SEMA6D: variants seen among roughly 807,000 people sequenced by gnomAD.
SEMA6D encodes the protein semaphorin-6D.
SEMA6D carries 35 observed loss-of-function variants against 106.6 expected under a neutral mutation model. That is an observed-to-expected ratio of 0.33 (90% CI 0.25 to 0.44). The LOEUF is 0.44. Among genes scored for constraint, SEMA6D ranks in the 20% least tolerant of loss-of-function variants. The probability of loss-of-function intolerance (pLI) is 1.00; values close to 1 mark genes in which losing one functional copy is unlikely to be tolerated. For synonymous variants in SEMA6D, 499 were observed against 487.7 expected (o/e 1.02, Z -0.31); for missense variants, 1,185 against 1,345.9 (o/e 0.88, Z 1.87).
At position 47,657,719 on chromosome 15, in the gene SEMA6D, C is replaced by CTTTTTT. The variant is rs71118191; in HGVS notation, c.-55+56858_-55+56863dup. Among the ~76,000 whole-genome samples the CTTTTTT allele has an allele frequency of 5.7e-3, 314 of 54,674 alleles. 104 individuals carry two copies. Among genetic ancestry groups the CTTTTTT allele is most frequent in the African/African-American group, 6.9e-3 (81 of 11,748 alleles). The allele number at this position is 54,674 out of a possible 152,430, so 35.9% of individuals were successfully genotyped here. A position where few individuals can be genotyped will look rare whatever the true frequency, so the allele number is the denominator to read the frequency against. On this transcript the variant is annotated intron_variant, in intron 4 of 19. Transcript: ENST00000558014. ...CATTTAGTGACAGAGGGCTTCATTT[C>CTTTTTT]TTTTTTTTTTTTTTTTTTTTTTTTT...
intron 4 of SEMA6D, among the ~76,000 whole-genome samples, chr15:47,706,642 C>T (rs1482116602): frequency 1.3e-5 from 2 of 152,128 alleles, no homozygotes; most frequent in Admixed American, 6.5e-5. Context: ...TGGAAATGTT[C>T]CATTAAATTT....
At chr15:47,766,287 G>T (rs528882) in intron 15 of SEMA6D, 105 bp downstream of exon 15, 485,854 of 887,720 alleles carry the variant, frequency 0.55, 114,229 homozygotes, top group African/African-American at 0.68. Context: ...CTTTTTTTTT[G>T]TTGTTATGGG....
chr15:47,196,226 T>C (rs2088119514), intron 1 of SEMA6D, among the ~76,000 whole-genome samples: 1 of 152,152 alleles, frequency 6.6e-6, no homozygotes, highest in South Asian at 2.1e-4. Flanking sequence ...ACATCCCTAA[T>C]GCTGCCAGAC....
intron 2 of SEMA6D, among the ~76,000 whole-genome samples, chr15:47,449,137 A>G (rs2042112656): frequency 6.6e-6 from 1 of 152,076 alleles, no homozygotes; most frequent in African/African-American, 2.4e-5. Flanking sequence ...GTGACTTCCC[A>G]AAACCCAGGA....
chr15:47,185,910 G>T (rs947033973), intron 1 of SEMA6D: 3 of 152,050 alleles, frequency 2.0e-5, no homozygotes, highest in African/African-American at 7.2e-5. Context: ...TCTGAGGTCC[G>T]TGGGTAGTAT....
intron 1 of SEMA6D, among the ~76,000 whole-genome samples, chr15:47,400,322 T>A (rs1003733960): frequency 6.6e-6 from 1 of 151,992 alleles, no homozygotes. Context: ...AACTCCCTTG[T>A]CTACTAAAAA....
At chr15:47,428,909 G>A (rs2041433173) in intron 2 of SEMA6D, among the ~76,000 whole-genome samples, 1 of 151,434 alleles carries the variant, frequency 6.6e-6, no homozygotes, top group Admixed American at 6.6e-5. Flanking sequence ...GAAAAGAAGT[G>A]GAAAGAAGGA....
At chr15:47,550,192 C>A (rs2045641574) in intron 3 of SEMA6D, among the ~76,000 whole-genome samples, 1 of 152,062 alleles carries the variant, frequency 6.6e-6, no homozygotes, top group African/African-American at 2.4e-5. Context: ...ATTAGGGTTT[C>A]CTTTACTTCC....
At chr15:47,444,606 T>C (rs758020641) in intron 2 of SEMA6D, among the ~76,000 whole-genome samples, 13 of 152,108 alleles carry the variant, frequency 8.5e-5, no homozygotes, top group Non-Finnish European at 1.8e-4. Context: ...AAAATTACTC[T>C]AAGTCAGACA....
At chr15:47,564,874 C>T (rs1054961289) in intron 3 of SEMA6D, among the ~76,000 whole-genome samples, 5 of 152,158 alleles carry the variant, frequency 3.3e-5, no homozygotes, top group African/African-American at 1.2e-4. Flanking sequence ...ACAACTATGG[C>T]TGGATGTTGG....
intron 1 of SEMA6D, among the ~76,000 whole-genome samples, chr15:47,242,826 A>G (rs1197408292): frequency 1.3e-5 from 2 of 152,180 alleles, no homozygotes; most frequent in East Asian, 3.8e-4. Context: ...AGAATACATT[A>G]CATTTTAGTA....
intron 4 of SEMA6D, among the ~76,000 whole-genome samples, chr15:47,683,601 T>C (rs1170080441): frequency 6.6e-6 from 1 of 152,248 alleles, no homozygotes; most frequent in African/African-American, 2.4e-5. Flanking sequence ...TTTGGTTATA[T>C]ATCTTGTCTG....
intron 1 of SEMA6D, among the ~76,000 whole-genome samples, chr15:47,341,650 A>G (rs534140713): frequency 1.2e-3 from 177 of 152,310 alleles, no homozygotes; most frequent in Non-Finnish European, 2.1e-3. Context: ...TTTTAACTAT[A>G]AAATTATAAA....
intron 1 of SEMA6D, among the ~76,000 whole-genome samples, chr15:47,411,812 T>C (rs1385539128): frequency 6.6e-6 from 1 of 152,098 alleles, no homozygotes; most frequent in Non-Finnish European, 1.5e-5. Context: ...TCCAGTAGCG[T>C]GGTCAGAACA....
chr15:47,504,595 AAT>A (rs1379759827), intron 3 of SEMA6D, among the ~76,000 whole-genome samples: 1 of 152,174 alleles, frequency 6.6e-6, no homozygotes, highest in Non-Finnish European at 1.5e-5. Flanking sequence ...TAAACATCAA[AAT>A]AGCAGCTTTA....
chr15:47,716,023 G>A (rs1329379196), upstream of SEMA6D, among the ~76,000 whole-genome samples: 1 of 152,152 alleles, frequency 6.6e-6, no homozygotes, highest in Non-Finnish European at 1.5e-5. Flanking sequence ...GAAGGGCCCT[G>A]ACTGCCAAGT....
chr15:47,745,964 A>G (rs756726802), intron 1 of SEMA6D, among the ~76,000 whole-genome samples: 3 of 152,238 alleles, frequency 2.0e-5, no homozygotes, highest in South Asian at 4.1e-4. Context: ...AAAACAAGTT[A>G]GGATTGACTT....
chr15:47,242,488 C>G (rs1348352956), intron 1 of SEMA6D, among the ~76,000 whole-genome samples: 1 of 152,104 alleles, frequency 6.6e-6, no homozygotes, highest in Non-Finnish European at 1.5e-5. Context: ...CAGGCTCAAT[C>G]AAGTAAAACT....
intron 1 of SEMA6D, among the ~76,000 whole-genome samples, chr15:47,354,855 C>T (rs1216496950): frequency 6.6e-6 from 1 of 152,164 alleles, no homozygotes; most frequent in African/African-American, 2.4e-5. Flanking sequence ...AACGAGTTTA[C>T]TTAACAGCCT....
Sources: gnomAD v4.1 joint callset for allele counts (sites outside exome capture counted in the v4.1 genomes callset) on GRCh38, gnomAD v4.1.1 for gene constraint, MANE v1.5 for transcripts, NCBI Gene and HGNC (gene_info 2026-07-23, HGNC 2026-07-21) for gene names.